The following XIRP2 variants were observed in gnomAD, a reference collection of about 807,000 sequenced individuals.
XIRP2 encodes the protein xin actin binding repeat containing 2.
XIRP2 carries 236 observed loss-of-function variants against 277.0 expected under a neutral mutation model. The observed-to-expected ratio is 0.85, with a 90% CI of 0.77 to 0.95. XIRP2 has a LOEUF of 0.95. Among genes scored for constraint, XIRP2 ranks in the 40% least tolerant of loss-of-function variants. The probability of loss-of-function intolerance (pLI) is 0.00; values close to 1 mark genes in which losing one functional copy is unlikely to be tolerated. For synonymous variants in XIRP2, 1,490 were observed against 1,416.5 expected (o/e 1.05, Z -1.17); for missense variants, 4,640 against 4,157.5 (o/e 1.12, Z -3.19).
intron 2 of XIRP2, among the ~76,000 whole-genome samples, chr2:167,068,977 T>G (rs944233654): frequency 1.3e-5 from 2 of 152,196 alleles, no homozygotes. Context: ...TCTTCTATTA[T>G]AGAGGATTTG....
chr2:167,049,815 T>C (rs1688872955), intron 2 of XIRP2, among the ~76,000 whole-genome samples: 1 of 152,050 alleles, frequency 6.6e-6, no homozygotes, highest in Non-Finnish European at 1.5e-5. Context: ...AATGATAGTG[T>C]GACATAAAGT....
chr2:166,946,985 C>T (rs1685892488), intron 2 of XIRP2, among the ~76,000 whole-genome samples: 1 of 152,044 alleles, frequency 6.6e-6, no homozygotes, highest in Non-Finnish European at 1.5e-5. Flanking sequence ...CAATGAAAGG[C>T]ATAGCCCCCA....
At chr2:166,891,136 G>C (rs1265250978) in intron 1 of XIRP2, among the ~76,000 whole-genome samples, 1 of 152,142 alleles carries the variant, frequency 6.6e-6, no homozygotes, top group Non-Finnish European at 1.5e-5. Context: ...TTCCTTTAAT[G>C]GATACGTGAC....
At chr2:166,922,411 T>A (rs967891483) in intron 2 of XIRP2, among the ~76,000 whole-genome samples, 4 of 152,244 alleles carry the variant, frequency 2.6e-5, no homozygotes, top group East Asian at 1.9e-4. Context: ...AAAATATGCA[T>A]CTTTTTTGCA....
At chr2:167,100,699 G>A (rs1011599781) in intron 2 of XIRP2, among the ~76,000 whole-genome samples, 21 of 152,144 alleles carry the variant, frequency 1.4e-4, no homozygotes, top group Admixed American at 1.2e-3. Flanking sequence ...GTAATTGCTC[G>A]TGAAATGCTG....
chr2:166,924,534 CT>C (rs1015402497), intron 2 of XIRP2, among the ~76,000 whole-genome samples: 14 of 150,398 alleles, frequency 9.3e-5, no homozygotes, highest in East Asian at 2.0e-4. Context: ...TATATTTATT[CT>C]TTTTTTTTGA....
At chr2:166,910,559 A>G (rs1684672583) in intron 2 of XIRP2, among the ~76,000 whole-genome samples, 1 of 152,118 alleles carries the variant, frequency 6.6e-6, no homozygotes, top group South Asian at 2.1e-4. Flanking sequence ...CTTTCAAAAA[A>G]CCAGCTCCTG....
At position 167,245,437 on chromosome 2, in the gene XIRP2, G is replaced by T; in HGVS notation, c.4045G>T (p.Gly1349Ter). 3 of 1,613,548 alleles carry T rather than the reference G, an allele frequency of 1.9e-6. No homozygotes were observed. The highest frequency in any genetic ancestry group is 2.5e-6 in the Non-Finnish European group (3 of 1,179,708). ...AGAGGTAATTCATGGAGATGTGCGA[G>T]GAACAAGGTGGCTTTTTGAAACAAA... is the stretch of plus-strand genomic sequence containing the variant. ...KEEVIHGDVR[G>*]TRWLFETKPL... The change falls in exon 9 of 11, where the codon GGA becomes TGA. Residue 1349 changes from glycine to a stop codon, truncating the protein, a stop_gained. Coordinates refer to ENST00000409195, the MANE Select transcript of XIRP2 (RefSeq NM_152381.6). LOFTEE classifies it high-confidence loss of function.
chr2:167,102,026 G>T (rs1690500189), intron 2 of XIRP2, among the ~76,000 whole-genome samples: 1 of 152,172 alleles, frequency 6.6e-6, no homozygotes, highest in Non-Finnish European at 1.5e-5. Flanking sequence ...CTAAAAATGA[G>T]AACTCATTTG....
rs1015438119 is a variant in XIRP2 at position 167,250,362 on chromosome 2, A to C, written c.8970A>C (p.Glu2990Asp). ...CTATCCCAGGATGGCTGATAAGTGA[A>C]GATAAGAGAGAATATGCAGTTCACA... ...LNTIPGWLIS[E>D]DKREYAVHIA... Residue 2990 changes from glutamate to aspartate, a missense_variant, in exon 9 of 11, where the codon GAA (glutamate) becomes GAC (aspartate). Coordinates refer to ENST00000409195, the MANE Select transcript of XIRP2 (RefSeq NM_152381.6). The C allele has an allele frequency of 6.8e-6, 11 of 1,613,594 alleles. No homozygotes were observed. Among genetic ancestry groups the C allele is most frequent in the Non-Finnish European group, 9.3e-6 (11 of 1,179,686 alleles).
intron 3 of XIRP2, among the ~76,000 whole-genome samples, chr2:167,162,278 C>A (rs554457348): frequency 2.6e-4 from 40 of 152,340 alleles, no homozygotes; most frequent in African/African-American, 9.6e-4. Context: ...GTATCTACAG[C>A]AGCACCCCAC....
chr2:167,058,044 A>ATTTTATTTTT (rs1558964467), intron 2 of XIRP2, among the ~76,000 whole-genome samples: 2 of 147,626 alleles, frequency 1.4e-5, no homozygotes, highest in Admixed American at 1.4e-4. Context: ...ATTTTATTTT[A>ATTTTATTTTT]TTTTATTTTA....
intron 9 of XIRP2, among the ~76,000 whole-genome samples, 182 bp from the exon 10 acceptor site, chr2:167,253,850 T>A (rs1695584374): frequency 6.6e-6 from 1 of 151,092 alleles, no homozygotes. Context: ...TAGACCATCC[T>A]AGCAGACCGT....
intron 1 of XIRP2, among the ~76,000 whole-genome samples, chr2:166,899,893 G>A (rs563669536): frequency 2.6e-5 from 4 of 152,166 alleles, no homozygotes; most frequent in South Asian, 2.1e-4. Flanking sequence ...ACCGCGCAAC[G>A]TGAATGCTGG....
chr2:167,184,515 G>A (rs761234365), intron 3 of XIRP2: 1 of 712,168 alleles, frequency 1.4e-6, no homozygotes, highest in South Asian at 1.5e-5. Context: ...ATTGCCAAAG[G>A]TTCTGCTGTT....
chr2:167,166,722 A>C (rs1306398169), intron 3 of XIRP2, among the ~76,000 whole-genome samples: 1 of 152,148 alleles, frequency 6.6e-6, no homozygotes, highest in Non-Finnish European at 1.5e-5. Context: ...GAACTCACTC[A>C]TCACCAAGGG....
intron 4 of XIRP2, among the ~76,000 whole-genome samples, chr2:167,213,280 A>G (rs543956176): frequency 6.6e-6 from 1 of 152,286 alleles, no homozygotes; most frequent in Admixed American, 6.5e-5. Flanking sequence ...CTCACAATAA[A>G]TCTGTGAGAA....
At position 167,250,800 on chromosome 2, in the gene XIRP2, T is replaced by C; in HGVS notation, c.9408T>C (p.Pro3136=). 6.2e-7 allele frequency: 1 copy of C among 1,613,442 alleles called. No homozygotes were observed. Among genetic ancestry groups the C allele is most frequent in the Non-Finnish European group, 8.5e-7 (1 of 1,179,682 alleles). ...CTACTGCCCGACGAACAGAAAACCC[T>C]ACTAAGAACGAGCTTTCTCAGTCCC... ...IESTARRTEN[P]TKNELSQSPK... is the part of the protein sequence containing the mutation. The change falls in exon 9 of 11, where the codon CCT becomes CCC. Residue 3136 remains proline, a synonymous_variant. Transcript: ENST00000409195.
rs751244862 is a variant in XIRP2, at chr2:167,259,453, AG to A, written c.*1638del. On this transcript the variant is annotated 3_prime_UTR_variant, in exon 11 of 11. Transcript: ENST00000409195. ...TTTTATGAATTTGGATACCCTTTTG[AG>A]GAACTTGATGTAAACATGGTGTTCA... 7.0e-5 allele frequency: 92 copies of A among 1,312,258 alleles called. No homozygotes were observed. The highest frequency in any genetic ancestry group is 8.6e-5 in the Non-Finnish European group (84 of 974,786). 81.3% of individuals were successfully genotyped at this position (1,312,258 alleles called of 1,614,324 possible).
Sources: allele counts gnomAD v4.1 joint callset (sites outside exome capture counted in the v4.1 genomes callset), GRCh38; gene constraint gnomAD v4.1.1; transcripts MANE v1.5; gene names NCBI Gene and HGNC (gene_info 2026-07-23, HGNC 2026-07-21).